TMPRSS11A: variants seen among roughly 807,000 people sequenced by gnomAD.
TMPRSS11A encodes the protein transmembrane protease serine 11A.
TMPRSS11A carries 53 observed loss-of-function variants against 58.9 expected under a neutral mutation model. The observed-to-expected ratio is 0.90, with a 90% CI of 0.72 to 1.13. TMPRSS11A has a LOEUF of 1.13. Ranked by LOEUF, TMPRSS11A falls within the 50% of genes most tolerant of loss-of-function variation. The probability of loss-of-function intolerance (pLI) is 0.00; values close to 1 mark genes in which losing one functional copy is unlikely to be tolerated. For missense variants in TMPRSS11A, 493 were observed against 499.3 expected, an observed-to-expected ratio of 0.99 and a Z score of 0.12; for synonymous variants, 167 against 169.8, an observed-to-expected ratio of 0.98 and a Z score of 0.13.
chr4:67,934,100 T>C (rs974332328), intron 3 of TMPRSS11A, among the ~76,000 whole-genome samples: 1 of 152,110 alleles, frequency 6.6e-6, no homozygotes, highest in African/African-American at 2.4e-5. Context: ...GTGATCACAA[T>C]AATAAAAAGG....
intron 3 of TMPRSS11A, among the ~76,000 whole-genome samples, chr4:67,934,143 C>A (rs546297518): frequency 5.3e-5 from 8 of 152,232 alleles, no homozygotes; most frequent in African/African-American, 1.9e-4. Context: ...GACTCTCTCT[C>A]TAGAAAAGTC....
intron 3 of TMPRSS11A, among the ~76,000 whole-genome samples, chr4:67,941,780 A>G (rs981733044): frequency 1.3e-5 from 2 of 152,256 alleles, no homozygotes; most frequent in Non-Finnish European, 2.9e-5. Flanking sequence ...TATAAGGTTA[A>G]TAAGTAACAT....
intron 1 of TMPRSS11A, among the ~76,000 whole-genome samples, chr4:67,951,477 A>G (rs530993333): frequency 7.9e-5 from 12 of 152,282 alleles, no homozygotes; most frequent in African/African-American, 2.6e-4. Context: ...CAAGGATCTT[A>G]CTTTTCCTAG....
intron 3 of TMPRSS11A, among the ~76,000 whole-genome samples, chr4:67,938,547 T>C (rs965560370): frequency 1.9e-4 from 29 of 152,276 alleles, no homozygotes; most frequent in African/African-American, 6.5e-4. Context: ...TTGTTTGTGG[T>C]CTTACATTTA....
chr4:67,925,652 T>C (rs1720447970), intron 5 of TMPRSS11A, among the ~76,000 whole-genome samples: 1 of 152,240 alleles, frequency 6.6e-6, no homozygotes, highest in African/African-American at 2.4e-5. Flanking sequence ...GGTTATTCTA[T>C]GGAAGGAACT....
intron 1 of TMPRSS11A, among the ~76,000 whole-genome samples, chr4:67,947,610 A>G (rs1229422335): frequency 6.6e-6 from 1 of 152,234 alleles, no homozygotes; most frequent in Non-Finnish European, 1.5e-5. Context: ...GAATACTTCA[A>G]AGGTGGTGCT....
At chr4:67,948,194 A>G (rs1353155559) in intron 1 of TMPRSS11A, among the ~76,000 whole-genome samples, 1 of 126,040 alleles carries the variant, frequency 7.9e-6, no homozygotes, top group Non-Finnish European at 1.6e-5. Flanking sequence ...TGTGTCATCC[A>G]GGCTGCCAGG....
At chr4:67,948,147 C>CTTTTTTT (rs10577639) in intron 1 of TMPRSS11A, among the ~76,000 whole-genome samples, 1 of 98,302 alleles carries the variant, frequency 1.0e-5, no homozygotes, top group Non-Finnish European at 2.0e-5. Context: ...CAGTTTTTTT[C>CTTTTTTT]TTTTTTTTTT....
intron 7 of TMPRSS11A, 78 bp downstream of exon 7, chr4:67,922,676 CA>C: frequency 2.2e-6 from 3 of 1,360,250 alleles, no homozygotes; most frequent in Non-Finnish European, 2.0e-6. Context: ...ATATTTGAGA[CA>C]TTAATTGTTA....
chr4:67,946,694 G>T, intron 1 of TMPRSS11A, 123 bp from the exon 2 acceptor site: 3 of 941,832 alleles, frequency 3.2e-6, no homozygotes, highest in South Asian at 2.9e-5. Context: ...CTTTAATTTT[G>T]TTCAATGTCA....
intron 1 of TMPRSS11A, among the ~76,000 whole-genome samples, chr4:67,956,553 A>G (rs866817100): frequency 2.0e-5 from 3 of 152,192 alleles, no homozygotes; most frequent in Non-Finnish European, 4.4e-5. Flanking sequence ...CTGAGGCAAC[A>G]TTTTCCCCCT....
rs1433694587 is a variant in TMPRSS11A, at chr4:67,914,682, T to A, written c.1001A>T (p.Asp334Val). Residue 334 changes from aspartate to valine, a missense_variant, in exon 9 of 10, where the codon GAT becomes GTT. Coordinates refer to ENST00000508048, the MANE Select transcript of TMPRSS11A (RefSeq NM_001114387.2). ...CACCTGTGGTTGCTTGCAGACATCA[T>A]CACTTATGATTTTCACTCTGGCTTC... ...LREARVKIIS[D>V]DVCKQPQVYG... 2 of 1,612,886 alleles carry A rather than the reference T, an allele frequency of 1.2e-6. No homozygotes were observed. Among genetic ancestry groups the A allele is most frequent in the Non-Finnish European group, 1.7e-6 (2 of 1,179,384 alleles).
intron 1 of TMPRSS11A, among the ~76,000 whole-genome samples, chr4:67,955,726 C>T (rs919339296): frequency 6.6e-6 from 1 of 152,046 alleles, no homozygotes; most frequent in African/African-American, 2.4e-5. Flanking sequence ...ATCTTAGGTG[C>T]TGTGTTTGGC....
intron 7 of TMPRSS11A, among the ~76,000 whole-genome samples, chr4:67,922,542 A>G (rs1385770383): frequency 6.6e-6 from 1 of 152,212 alleles, no homozygotes; most frequent in Non-Finnish European, 1.5e-5. Context: ...ACTTTGAGGA[A>G]ATGATTGATG....
At chr4:67,925,261 T>C (rs1205305643) in intron 5 of TMPRSS11A, among the ~76,000 whole-genome samples, 2 of 152,324 alleles carry the variant, frequency 1.3e-5, no homozygotes, top group African/African-American at 4.8e-5. Context: ...CATCATGTTG[T>C]ATACAGTATA....
chr4:67,925,157 A>G (rs1720433904), intron 5 of TMPRSS11A, among the ~76,000 whole-genome samples: 1 of 152,156 alleles, frequency 6.6e-6, no homozygotes, highest in Non-Finnish European at 1.5e-5. Flanking sequence ...TAGTTATTGG[A>G]CACAATCCAA....
chr4:67,927,178 T>G (rs2109745342), intron 5 of TMPRSS11A, among the ~76,000 whole-genome samples: 1 of 152,256 alleles, frequency 6.6e-6, no homozygotes, highest in East Asian at 1.9e-4. Context: ...ATAGCAAGAC[T>G]GAAAGAGCTG....
chr4:67,950,610 G>T (rs1721131980), intron 1 of TMPRSS11A, among the ~76,000 whole-genome samples: 7 of 152,162 alleles, frequency 4.6e-5, no homozygotes, highest in Admixed American at 4.6e-4. Context: ...CCGGAGGGGG[G>T]AATCTTGGGG....
intron 1 of TMPRSS11A, among the ~76,000 whole-genome samples, chr4:67,950,042 C>G (rs577554940): frequency 1.3e-5 from 2 of 152,288 alleles, no homozygotes; most frequent in South Asian, 2.1e-4. Flanking sequence ...AAAACAAACA[C>G]AGGTGTATTA....
Sources: allele counts gnomAD v4.1 joint callset (sites outside exome capture counted in the v4.1 genomes callset), GRCh38; gene constraint gnomAD v4.1.1; transcripts MANE v1.5; gene names NCBI Gene and HGNC (gene_info 2026-07-23, HGNC 2026-07-21).